ANO10: variants seen among roughly 807,000 people sequenced by gnomAD.
ANO10 encodes anoctamin-10.
In ANO10, 77 loss-of-function variants were observed where a neutral mutation model predicts 74.7. That is an observed-to-expected ratio of 1.03 (90% confidence interval 0.86 to 1.25). ANO10 has a LOEUF of 1.25. Among genes scored for constraint, ANO10 ranks in the 50% most tolerant of loss-of-function variants. ANO10 has a pLI of 0.00. For missense variants in ANO10, 721 were observed against 778.1 expected, an observed-to-expected ratio of 0.93 and a Z score of 0.87; for synonymous variants, 279 against 284.9, an observed-to-expected ratio of 0.98 and a Z score of 0.21.
chr3:43,562,749 G>C (rs930624046), intron 8 of ANO10, among the ~76,000 whole-genome samples: 1 of 151,518 alleles, frequency 6.6e-6, no homozygotes, highest in Non-Finnish European at 1.5e-5. Flanking sequence ...GGGAAAACCA[G>C]GTATCTATAT....
intron 12 of ANO10, among the ~76,000 whole-genome samples, chr3:43,426,570 T>C (rs1362602908): frequency 6.6e-6 from 1 of 152,190 alleles, no homozygotes; most frequent in Non-Finnish European, 1.5e-5. Context: ...CTGTGTGTTC[T>C]GGGCTCCCAG....
intron 1 of ANO10, among the ~76,000 whole-genome samples, chr3:43,619,485 G>T (rs1404612399): frequency 6.6e-6 from 1 of 152,094 alleles, no homozygotes; most frequent in African/African-American, 2.4e-5. Flanking sequence ...AGGGCATAAG[G>T]AAATTTGTAC....
chr3:43,577,319 A>G, intron 5 of ANO10, 58 bp from the exon 6 acceptor site: 1 of 1,508,284 alleles, frequency 6.6e-7, no homozygotes, highest in South Asian at 1.2e-5. Flanking sequence ...TTAAAAAATC[A>G]TTTCAAGTAC....
intron 11 of ANO10, among the ~76,000 whole-genome samples, chr3:43,475,109 A>G (rs917254103): frequency 1.3e-5 from 2 of 152,224 alleles, no homozygotes; most frequent in East Asian, 3.8e-4. Flanking sequence ...ATGCCTTTAT[A>G]AGCTTTTCAC....
chr3:43,424,978 C>T (rs2092876438), intron 12 of ANO10, among the ~76,000 whole-genome samples: 3 of 152,024 alleles, frequency 2.0e-5, no homozygotes, highest in South Asian at 4.1e-4. Flanking sequence ...TGGGCCTAGA[C>T]CTGACTTGGG....
In ANO10 at chr3:43,386,648, CGTGT is replaced by C. The variant is rs36065814; in HGVS notation, c.1915-19678_1915-19675del. On this transcript the variant is annotated intron_variant, in intron 12 of 12. Coordinates refer to ENST00000292246, the MANE Select transcript of ANO10 (RefSeq NM_018075.5). ...TTTGAAAGTTGTGTGTAGGTGTGTACGTGTGTGTGTGTGTGTGTGTGTGTGTGTG... is the reference window on the plus strand; with the variant it reads ...TTTGAAAGTTGTGTGTAGGTGTGTACGTGTGTGTGTGTGTGTGTGTGTGTG... Among the ~76,000 whole-genome samples, 321 of 139,976 alleles carry C rather than the reference CGTGT, an allele frequency of 2.3e-3. 1 individual carries two copies. The highest frequency in any genetic ancestry group is 4.7e-3 in the African/African-American group (174 of 36,894). 91.8% of individuals were successfully genotyped at this position (139,976 alleles called of 152,430 possible). A position where few individuals can be genotyped will look rare whatever the true frequency, so the allele number is the denominator to read the frequency against.
intron 12 of ANO10, among the ~76,000 whole-genome samples, chr3:43,413,062 A>G (rs2092689186): frequency 6.6e-6 from 1 of 152,160 alleles, no homozygotes; most frequent in East Asian, 1.9e-4. Context: ...AAAAAAAATC[A>G]CAAAGTAGAA....
intron 11 of ANO10, among the ~76,000 whole-genome samples, chr3:43,490,537 A>G (rs1480671294): frequency 2.6e-5 from 4 of 152,232 alleles, no homozygotes; most frequent in African/African-American, 9.6e-5. Flanking sequence ...AGCAGTAGGC[A>G]TCATCACAGA....
intron 11 of ANO10, among the ~76,000 whole-genome samples, chr3:43,511,432 T>C (rs2149182640): frequency 6.6e-6 from 1 of 152,302 alleles, no homozygotes; most frequent in Non-Finnish European, 1.5e-5. Flanking sequence ...GCATAAACTG[T>C]TCCATATTAA....
intron 10 of ANO10, chr3:43,551,617 C>T (rs1394426721): frequency 2.2e-6 from 1 of 455,066 alleles, no homozygotes; most frequent in Admixed American, 2.4e-5. Flanking sequence ...GATTTGTTTG[C>T]ATATTCCAAA....
At chr3:43,643,054 C>T (rs1274770165) in intron 1 of ANO10, among the ~76,000 whole-genome samples, 4 of 147,076 alleles carry the variant, frequency 2.7e-5, no homozygotes, top group Non-Finnish European at 4.5e-5. Context: ...TTTTTTGAGA[C>T]GGAGTCTTGC....
chr3:43,465,282 T>C (rs185306208), intron 11 of ANO10, among the ~76,000 whole-genome samples: 115 of 152,318 alleles, frequency 7.5e-4, no homozygotes, highest in African/African-American at 2.7e-3. Context: ...GTAAACATCA[T>C]AGACAGTATT....
chr3:43,615,714 C>A (rs995915156), intron 1 of ANO10, among the ~76,000 whole-genome samples: 1 of 151,444 alleles, frequency 6.6e-6, no homozygotes, highest in Non-Finnish European at 1.5e-5. Flanking sequence ...AGTGCAGTGG[C>A]GCAATCTCGG....
intron 1 of ANO10, among the ~76,000 whole-genome samples, chr3:43,634,123 A>T (rs991269378): frequency 2.6e-5 from 4 of 152,124 alleles, no homozygotes; most frequent in African/African-American, 9.7e-5. Context: ...GGGCAGACAC[A>T]CAAAAGACCC....
chr3:43,466,363 C>A, intron 11 of ANO10, among the ~76,000 whole-genome samples: 1 of 104,230 alleles, frequency 9.6e-6, no homozygotes. Context: ...GAGCAAGACT[C>A]CATCTCAAAA....
At chr3:43,479,705 G>A (rs955287148) in intron 11 of ANO10, among the ~76,000 whole-genome samples, 2 of 152,170 alleles carry the variant, frequency 1.3e-5, no homozygotes, top group African/African-American at 2.4e-5. Context: ...ATGAACTTAC[G>A]TCTGCTCTCC....
intron 11 of ANO10, among the ~76,000 whole-genome samples, chr3:43,457,031 G>A (rs545247015): frequency 9.9e-5 from 15 of 151,996 alleles, no homozygotes; most frequent in Non-Finnish European, 1.5e-4. Flanking sequence ...ATTTATGAAT[G>A]GTATATAACA....
chr3:43,669,854 T>C (rs997262240), intron 1 of ANO10, among the ~76,000 whole-genome samples: 1 of 151,968 alleles, frequency 6.6e-6, no homozygotes, highest in African/African-American at 2.4e-5. Context: ...AGCTCCCAAG[T>C]AGCTGGGACT....
chr3:43,473,864 C>A (rs1197399285), intron 11 of ANO10, among the ~76,000 whole-genome samples: 1 of 152,114 alleles, frequency 6.6e-6, no homozygotes, highest in Non-Finnish European at 1.5e-5. Flanking sequence ...AAAATTACAA[C>A]CCCTGAAGAT....
Sources: gnomAD v4.1 joint callset for allele counts (sites outside exome capture counted in the v4.1 genomes callset) on GRCh38, gnomAD v4.1.1 for gene constraint, MANE v1.5 for transcripts, NCBI Gene and HGNC (gene_info 2026-07-23, HGNC 2026-07-21) for gene names.